CEP83: variants seen among roughly 807,000 people sequenced by gnomAD.
CEP83 encodes the protein centrosomal protein of 83 kDa.
CEP83 carries 70 observed loss-of-function variants against 101.9 expected under a neutral mutation model. The observed-to-expected ratio is 0.69, with a 90% CI of 0.57 to 0.84. The LOEUF (loss-of-function observed/expected upper bound fraction) is 0.84, where lower values mean the gene tolerates loss of function less well. CEP83 is among the 40% of genes least tolerant of loss of function. The pLI is 0.00. For synonymous variants in CEP83, 264 were observed against 267.9 expected, an observed-to-expected ratio of 0.99 and a Z score of 0.14; for missense variants, 715 against 787.2, an observed-to-expected ratio of 0.91 and a Z score of 1.10.
chr12:94,456,073 T>C (rs1337675968), intron 1 of CEP83, among the ~76,000 whole-genome samples: 1 of 149,044 alleles, frequency 6.7e-6, no homozygotes, highest in African/African-American at 2.5e-5. Context: ...AAAAAAGAAA[T>C]AGTACTAGAC....
chr12:94,397,059 A>T (rs1273895897), intron 6 of CEP83, among the ~76,000 whole-genome samples: 1 of 152,226 alleles, frequency 6.6e-6, no homozygotes, highest in African/African-American at 2.4e-5. Context: ...ACAATTATAC[A>T]CTCAGTAATA....
At position 94,368,409 on chromosome 12, in the gene CEP83, CTGTT is replaced by C. The variant is rs1440009737; in HGVS notation, c.1049-212_1049-209del. ...AAACTCAGAGCAAATTTTCCTGTCA[CTGTT>C]TATTTAGTGCATACACATATAAAAA... On this transcript the variant is annotated intron_variant, in intron 9 of 16. Transcript: ENST00000397809. 2.8e-5 allele frequency: 15 copies of C among 526,670 alleles called. No homozygotes were observed. In the Admixed American group the frequency reaches 4.0e-4, roughly 14 times the overall value. The allele number at this position is 526,670 out of a possible 1,614,324, so 32.6% of individuals were successfully genotyped here. A position where few individuals can be genotyped will look rare whatever the true frequency, so the allele number is the denominator to read the frequency against.
At chr12:94,381,463 GAAGT>G (rs2061845550) in intron 6 of CEP83, among the ~76,000 whole-genome samples, 1 of 152,056 alleles carries the variant, frequency 6.6e-6, no homozygotes, top group Non-Finnish European at 1.5e-5. Context: ...AAAAGTTATT[GAAGT>G]AAAGGAAACT....
intron 11 of CEP83, among the ~76,000 whole-genome samples, chr12:94,345,728 G>A (rs2059905776): frequency 6.6e-6 from 1 of 152,180 alleles, no homozygotes; most frequent in Non-Finnish European, 1.5e-5. Context: ...AGGAAATAAT[G>A]CTACACAGAG....
intron 2 of CEP83, among the ~76,000 whole-genome samples, chr12:94,423,131 C>G (rs563328531): frequency 8.6e-5 from 13 of 152,024 alleles, no homozygotes; most frequent in African/African-American, 2.9e-4. Context: ...GTTGCCCAGG[C>G]TGGAGTGCAA....
chr12:94,339,886 A>G (rs372473832), intron 11 of CEP83, among the ~76,000 whole-genome samples: 3 of 152,246 alleles, frequency 2.0e-5, no homozygotes, highest in East Asian at 3.8e-4. Flanking sequence ...AGGCAAAGAC[A>G]TGCCACAGCC....
rs781665770 is a variant in CEP83 at position 94,312,986 on chromosome 12, C to T, written c.1739G>A (p.Arg580Lys). 5.1e-6 allele frequency: 8 copies of T among 1,573,098 alleles called. No individual in the cohort carries two copies. In the African/African-American group the frequency reaches 1.1e-4, roughly 21 times the overall value. Residue 580 changes from arginine to lysine, a missense_variant, in exon 15 of 17, where the codon AGA (arginine) becomes AAA (lysine). Arg to Lys is a conservative substitution (Grantham distance 26). Transcript: ENST00000397809. ...RKSLHENKLK[R>K]LQEKVEVLEA... ...CAAGACTTCTACTTTCTCTTGTAGT[C>T]TTTTCAATTTGTTTTCATGAAGAGA...
chr12:94,380,503 C>T (rs1039272907), intron 6 of CEP83, among the ~76,000 whole-genome samples: 1 of 152,128 alleles, frequency 6.6e-6, no homozygotes, highest in East Asian at 1.9e-4. Flanking sequence ...CTATTACTTC[C>T]TGGTTTGGTC....
chr12:94,456,704 G>A (rs776770516), intron 1 of CEP83, among the ~76,000 whole-genome samples: 35 of 152,252 alleles, frequency 2.3e-4, no homozygotes, highest in Admixed American at 1.4e-3. Flanking sequence ...GGAAACCGCC[G>A]CCATGATCCA....
intron 2 of CEP83, chr12:94,424,288 G>C (rs1441639677): frequency 3.0e-5 from 49 of 1,614,030 alleles, no homozygotes. Flanking sequence ...ATATTCCTTG[G>C]TTCTGTCGTT....
chr12:94,316,695 G>A (rs1970749456), intron 14 of CEP83, among the ~76,000 whole-genome samples: 2 of 152,000 alleles, frequency 1.3e-5, no homozygotes, highest in African/African-American at 4.8e-5. Flanking sequence ...CCTTTTTTGT[G>A]TTAGTTTGCT....
chr12:94,381,282 T>C (rs1473625407), intron 6 of CEP83, among the ~76,000 whole-genome samples: 1 of 152,190 alleles, frequency 6.6e-6, no homozygotes. Context: ...CTCAATTTCT[T>C]GTGCTCTCAA....
chr12:94,316,458 C>CT (rs1970703833), intron 14 of CEP83, among the ~76,000 whole-genome samples: 1 of 103,344 alleles, frequency 9.7e-6, no homozygotes, highest in Non-Finnish European at 2.2e-5. Context: ...ATTCTTAAAA[C>CT]TTTTTTTAGG....
chr12:94,442,207 G>A (rs928646518), intron 1 of CEP83, among the ~76,000 whole-genome samples: 3 of 151,874 alleles, frequency 2.0e-5, no homozygotes, highest in African/African-American at 7.2e-5. Flanking sequence ...GGCATTGGAG[G>A]CCATTATTCA....
chr12:94,446,432 G>T (rs77447753), intron 1 of CEP83, among the ~76,000 whole-genome samples: 9,447 of 152,150 alleles, frequency 0.062, 300 homozygotes, highest in Admixed American at 0.08. Context: ...AGTGACGGCC[G>T]GGCGTGGTGG....
intron 11 of CEP83, among the ~76,000 whole-genome samples, chr12:94,347,320 G>C (rs2059988487): frequency 6.6e-6 from 1 of 151,964 alleles, no homozygotes; most frequent in African/African-American, 2.4e-5. Context: ...ACCACCACTA[G>C]TCACAGAGAC....
chr12:94,398,130 T>A (rs2063016226), intron 6 of CEP83, among the ~76,000 whole-genome samples: 1 of 152,224 alleles, frequency 6.6e-6, no homozygotes, highest in East Asian at 1.9e-4. Context: ...AACATGGACT[T>A]AGCATATGTA....
At chr12:94,305,300 G>A (rs762382274), downstream of CEP83, 1 of 1,503,266 alleles carries the variant, frequency 6.7e-7, no homozygotes, top group Admixed American at 1.7e-5. Flanking sequence ...TCTGGGGCCT[G>A]GCTTAATCTG....
intron 13 of CEP83, 86 bp downstream of exon 13, chr12:94,333,396 T>C: frequency 2.5e-6 from 3 of 1,184,752 alleles, no homozygotes; most frequent in Non-Finnish European, 3.6e-6. Flanking sequence ...TTCTAAAATA[T>C]AATCAACATT....
Sources: allele counts gnomAD v4.1 joint callset (sites outside exome capture counted in the v4.1 genomes callset), GRCh38; gene constraint gnomAD v4.1.1; transcripts MANE v1.5; gene names NCBI Gene and HGNC (gene_info 2026-07-23, HGNC 2026-07-21).